The following COMMD10 variants were observed in gnomAD, a reference collection of about 807,000 sequenced individuals.
The protein encoded by COMMD10 is COMM domain-containing protein 10.
A neutral mutation model predicts 28.9 loss-of-function variants in COMMD10; 33 were observed. That is an observed-to-expected ratio of 1.14 (90% CI 0.87 to 1.53). COMMD10 has a LOEUF of 1.53. Among genes scored for constraint, COMMD10 ranks in the 40% most tolerant of loss-of-function variants. COMMD10 has a pLI of 0.00. For missense variants in COMMD10, 310 were observed against 233.4 expected, an observed-to-expected ratio of 1.33 and a Z score of -2.14; for synonymous variants, 110 against 81.7, an observed-to-expected ratio of 1.35 and a Z score of -1.87.
rs1199116519 is a variant in COMMD10 at position 116,239,784 on chromosome 5, G to C, written c.511-51733G>C. ...ACCAATAAGAGCAGGGTGCTACATT[G>C]GGTGCTCCTGTTCTCGCAGAGTTTA... On this transcript the variant is annotated intron_variant, in intron 5 of 6. Transcript: ENST00000274458. Among the ~76,000 whole-genome samples, 4 of 152,120 alleles carry C rather than the reference G, an allele frequency of 2.6e-5. 1 individual carries two copies. Among genetic ancestry groups the C allele is most frequent in the Non-Finnish European group, 5.9e-5 (4 of 68,016 alleles).
At chr5:116,121,106 A>G (rs976304196) in intron 4 of COMMD10, among the ~76,000 whole-genome samples, 4 of 151,976 alleles carry the variant, frequency 2.6e-5, no homozygotes, top group African/African-American at 7.3e-5. Context: ...TACATTAGAT[A>G]TTTCTCCTAA....
At chr5:116,206,698 C>T (rs140705928) in intron 5 of COMMD10, among the ~76,000 whole-genome samples, 160 of 151,862 alleles carry the variant, frequency 1.1e-3, no homozygotes, top group African/African-American at 3.6e-3. Context: ...CAGCTGTTCA[C>T]GTATTTAAAG....
At chr5:116,273,507 T>C (rs1366086962) in intron 5 of COMMD10, among the ~76,000 whole-genome samples, 2 of 151,866 alleles carry the variant, frequency 1.3e-5, no homozygotes, top group Non-Finnish European at 2.9e-5. Flanking sequence ...TATTGAGAAC[T>C]TTTAAACAGG....
At chr5:116,218,333 G>T in intron 5 of COMMD10, 2 of 666,764 alleles carry the variant, frequency 3.0e-6, no homozygotes, top group Non-Finnish European at 5.6e-6. Flanking sequence ...TAGGCACTGG[G>T]CGTAGGATGC....
At chr5:116,151,910 G>A (rs1752541359) in intron 5 of COMMD10, among the ~76,000 whole-genome samples, 1 of 152,082 alleles carries the variant, frequency 6.6e-6, no homozygotes, top group Non-Finnish European at 1.5e-5. Context: ...TTTGGAATAT[G>A]TTTGCTCTTG....
At chr5:116,168,169 A>G (rs1753196163) in intron 5 of COMMD10, among the ~76,000 whole-genome samples, 1 of 151,844 alleles carries the variant, frequency 6.6e-6, no homozygotes, top group South Asian at 2.1e-4. Context: ...AAAAAAAAAA[A>G]AAAAAGGGAT....
At chr5:116,224,395 G>C (rs1371319963) in intron 5 of COMMD10, among the ~76,000 whole-genome samples, 1 of 152,112 alleles carries the variant, frequency 6.6e-6, no homozygotes, top group Non-Finnish European at 1.5e-5. Flanking sequence ...CTGAGACTGG[G>C]TAATTTACAA....
At position 116,259,307 on chromosome 5, in the gene COMMD10, C is replaced by A. The variant is rs186493529; in HGVS notation, c.511-32210C>A. On this transcript the variant is annotated intron_variant, in intron 5 of 6. Coordinates refer to ENST00000274458, the MANE Select transcript of COMMD10 (RefSeq NM_016144.4). ...TAAAGGTCCTTTAATTTTTCATTTT[C>A]TTTTTTAAGGCTTTGTATTGTCATT... 3.3e-3 allele frequency among the ~76,000 whole-genome samples: 500 copies of A among 151,092 alleles called. 7 individuals carry two copies. The highest frequency in any genetic ancestry group is 4.7e-3 in the Non-Finnish European group (322 of 67,818).
chr5:116,184,466 A>AT (rs1230466001), intron 5 of COMMD10, among the ~76,000 whole-genome samples: 1 of 151,952 alleles, frequency 6.6e-6, no homozygotes, highest in Non-Finnish European at 1.5e-5. Context: ...CTTTATAGAC[A>AT]TATTTTTAGT....
chr5:116,098,890 A>G (rs1169076898), intron 4 of COMMD10, among the ~76,000 whole-genome samples: 2 of 152,226 alleles, frequency 1.3e-5, no homozygotes, highest in Non-Finnish European at 1.5e-5. Flanking sequence ...TGATAGCTGT[A>G]TACATTGTGT....
At chr5:116,292,255 T>G (rs1751383752) in intron 6 of COMMD10, among the ~76,000 whole-genome samples, 196 bp from the exon 7 acceptor site, 2 of 152,144 alleles carry the variant, frequency 1.3e-5, no homozygotes, top group African/African-American at 4.8e-5. Context: ...ACTTAAATTT[T>G]CAAGCACAAA....
chr5:116,238,906 G>T (rs1749744670), intron 5 of COMMD10, among the ~76,000 whole-genome samples: 1 of 152,152 alleles, frequency 6.6e-6, no homozygotes, highest in Non-Finnish European at 1.5e-5. Context: ...GAACGATTTG[G>T]ATGATCCTAA....
chr5:116,189,669 C>T (rs542763464), intron 5 of COMMD10, among the ~76,000 whole-genome samples: 63 of 152,182 alleles, frequency 4.1e-4, no homozygotes, highest in Middle Eastern at 3.4e-3. Context: ...TTTTTTATAG[C>T]CACAGCTGCC....
intron 5 of COMMD10, among the ~76,000 whole-genome samples, chr5:116,162,599 A>T (rs1335684889): frequency 6.6e-6 from 1 of 152,208 alleles, no homozygotes; most frequent in Non-Finnish European, 1.5e-5. Context: ...ATCATTTATC[A>T]TTCTCTATAA....
At chr5:116,191,343 G>C (rs961245705) in intron 5 of COMMD10, among the ~76,000 whole-genome samples, 2 of 152,186 alleles carry the variant, frequency 1.3e-5, no homozygotes, top group Admixed American at 6.5e-5. Context: ...CTCAACAGGT[G>C]GGGGAAGAAT....
chr5:116,266,902 C>G (rs1466156084), intron 5 of COMMD10, among the ~76,000 whole-genome samples: 1 of 151,910 alleles, frequency 6.6e-6, no homozygotes, highest in Non-Finnish European at 1.5e-5. Flanking sequence ...AACAGCCGTT[C>G]ATGCTAAACA....
chr5:116,181,429 T>A (rs894228738), intron 5 of COMMD10, among the ~76,000 whole-genome samples: 2 of 150,296 alleles, frequency 1.3e-5, no homozygotes, highest in African/African-American at 4.9e-5. Context: ...GCTGAGCTGG[T>A]GTTTTACATC....
intron 5 of COMMD10, among the ~76,000 whole-genome samples, chr5:116,206,422 G>A (rs142555146): frequency 0.01 from 1,587 of 152,190 alleles, 35 homozygotes; most frequent in African/African-American, 0.036. Flanking sequence ...AGGCCAAGGT[G>A]GGCAGATCAC....
chr5:116,174,505 A>G (rs985111682), intron 5 of COMMD10, among the ~76,000 whole-genome samples: 5 of 152,192 alleles, frequency 3.3e-5, no homozygotes, highest in Admixed American at 6.6e-5. Flanking sequence ...CAAGGGAGCA[A>G]TGATATAACT....
Sources: gnomAD v4.1 joint callset for allele counts (sites outside exome capture counted in the v4.1 genomes callset) on GRCh38, gnomAD v4.1.1 for gene constraint, MANE v1.5 for transcripts, NCBI Gene and HGNC (gene_info 2026-07-23, HGNC 2026-07-21) for gene names.